RPS6KA6: variants seen among roughly 807,000 people sequenced by gnomAD.
RPS6KA6 encodes ribosomal protein S6 kinase alpha-6.
Under a neutral mutation model 65.4 loss-of-function variants are expected in RPS6KA6, and 27 were observed. The ratio of observed to expected loss-of-function variants is 0.41; its 90% CI spans 0.30 to 0.57. RPS6KA6 has a LOEUF of 0.57. Ranked by LOEUF, RPS6KA6 falls within the 20% of genes least tolerant of loss-of-function variation. The pLI is 0.24. For missense variants in RPS6KA6, 486 were observed against 555.6 expected, an observed-to-expected ratio of 0.87 and a Z score of 1.26; for synonymous variants, 190 against 184.2, an observed-to-expected ratio of 1.03 and a Z score of -0.26.
At chrX:84,085,886 C>T (rs1284284842) in intron 20 of RPS6KA6, among the ~76,000 whole-genome samples, 1 of 111,309 alleles carries the variant, frequency 9.0e-6, no homozygotes, top group Non-Finnish European at 1.9e-5. Context: ...TCAATTTCTT[C>T]CTGGTTGTCA....
At chrX:84,180,900 C>T (rs1219638614) in intron 1 of RPS6KA6, among the ~76,000 whole-genome samples, 2 of 111,763 alleles carry the variant, frequency 1.8e-5, no homozygotes, top group Non-Finnish European at 3.8e-5. Context: ...TTCCTACTAA[C>T]TTGCATGTAT....
intron 3 of RPS6KA6, among the ~76,000 whole-genome samples, chrX:84,150,130 T>G (rs945330306): frequency 2.7e-5 from 3 of 111,863 alleles, no homozygotes; most frequent in East Asian, 2.8e-4. Context: ...ACTTTTCTTG[T>G]GCAGCTTCCT....
intron 12 of RPS6KA6, among the ~76,000 whole-genome samples, chrX:84,114,330 A>T (rs2034524978): frequency 9.1e-6 from 1 of 110,057 alleles, no homozygotes; most frequent in East Asian, 2.9e-4. Flanking sequence ...TTTACCAAAA[A>T]AATTTAAATT....
intron 1 of RPS6KA6, among the ~76,000 whole-genome samples, chrX:84,169,299 A>G (rs2035643661): frequency 9.0e-6 from 1 of 111,692 alleles, no homozygotes; most frequent in African/African-American, 3.3e-5. Flanking sequence ...TATGCGGGAC[A>G]AACAGAAATC....
intron 20 of RPS6KA6, among the ~76,000 whole-genome samples, chrX:84,066,673 G>A (rs2033411872): frequency 9.0e-6 from 1 of 111,516 alleles, no homozygotes; most frequent in Admixed American, 9.5e-5. Flanking sequence ...AGGGGCAACT[G>A]TGGGCGCAGC....
At position 84,097,799 on chromosome X, in the gene RPS6KA6, C is replaced by A. The variant is rs772856945; in HGVS notation, c.1826G>T (p.Gly609Val). The change falls in exon 19 of 22, where the codon GGA (glycine) becomes GTA (valine). Residue 609 changes from glycine (G) to valine (V), a missense_variant. By Grantham distance (109) the Gly-to-Val change is moderately radical. Coordinates refer to ENST00000262752, the MANE Select transcript of RPS6KA6 (RefSeq NM_014496.5). ...YDAACDIWSLGVLFYTMLAGY... is the reference protein window; with the variant it reads ...YDAACDIWSLVVLFYTMLAGY... ...AGCCAACATTGTGTAAAAAAGGACT[C>A]CTAAACTCCAGATATCACAAGCAGC... 8.3e-7 allele frequency: 1 copy of A among 1,198,011 alleles called. No individual in the cohort carries two copies.
chrX:84,175,395 T>G (rs1438698678), intron 1 of RPS6KA6, among the ~76,000 whole-genome samples: 1 of 111,752 alleles, frequency 8.9e-6, no homozygotes, highest in Non-Finnish European at 1.9e-5. Flanking sequence ...TTAAATTATC[T>G]CCACTAACAA....
intron 20 of RPS6KA6, among the ~76,000 whole-genome samples, chrX:84,093,796 G>T (rs780426410): frequency 9.0e-6 from 1 of 111,528 alleles, no homozygotes; most frequent in African/African-American, 3.3e-5. Context: ...TGTACATCTT[G>T]CTAGTGAATT....
At chrX:84,111,599 A>G (rs1346269595) in intron 12 of RPS6KA6, among the ~76,000 whole-genome samples, 3 of 111,901 alleles carry the variant, frequency 2.7e-5, no homozygotes, top group Non-Finnish European at 5.6e-5. Flanking sequence ...GCTTCATAAA[A>G]TGAAGAAGAC....
chrX:84,151,913 G>C (rs1481560069), intron 3 of RPS6KA6, among the ~76,000 whole-genome samples: 1 of 111,449 alleles, frequency 9.0e-6, no homozygotes, highest in Non-Finnish European at 1.9e-5. Context: ...GTTTTGACTT[G>C]AGGACTCCCT....
intron 20 of RPS6KA6, among the ~76,000 whole-genome samples, chrX:84,095,253 CAT>C (rs2034128298): frequency 8.9e-6 from 1 of 112,055 alleles, no homozygotes; most frequent in African/African-American, 3.2e-5. Flanking sequence ...ATAATTAGCA[CAT>C]GTTAACTATA....
intron 8 of RPS6KA6, among the ~76,000 whole-genome samples, chrX:84,127,284 C>A (rs890176316): frequency 9.0e-6 from 1 of 110,918 alleles, no homozygotes; most frequent in African/African-American, 3.3e-5. Context: ...AATCCAAAAC[C>A]TGAAGAGGCC....
At chrX:84,081,869 G>A (rs1166188016) in intron 20 of RPS6KA6, among the ~76,000 whole-genome samples, 1 of 111,725 alleles carries the variant, frequency 9.0e-6, no homozygotes, top group Non-Finnish European at 1.9e-5. Context: ...AACAGATCCA[G>A]AAAAGGCCTT....
rs766366210 is a variant in RPS6KA6, at chrX:84,080,631, T to C, written c.1972-15520A>G. Among the ~76,000 whole-genome samples, 5 of 104,898 alleles carry C rather than the reference T, an allele frequency of 4.8e-5. No individual in the cohort carries two copies. In the East Asian group the frequency reaches 1.3e-3, roughly 27 times the overall value. 91.1% of individuals were successfully genotyped at this position (104,898 alleles called of 115,157 possible). On this transcript the variant is annotated intron_variant, in intron 20 of 21. Transcript: ENST00000262752. The stretch of plus-strand genomic sequence containing the variant: ...TCAGCTCTGGACCAAGCGGACCTAA[T>C]AGATATCTACAGAACTCTCCACCCC...
chrX:84,096,756 C>T (rs1361200531), intron 19 of RPS6KA6, among the ~76,000 whole-genome samples: 2 of 110,983 alleles, frequency 1.8e-5, no homozygotes, highest in East Asian at 2.8e-4. Context: ...TCAGTGGAAA[C>T]GGTTATCATT....
chrX:84,187,631 C>T (rs2035944085), intron 1 of RPS6KA6, among the ~76,000 whole-genome samples, 188 bp downstream of exon 1: 1 of 112,270 alleles, frequency 8.9e-6, no homozygotes, highest in Non-Finnish European at 1.9e-5. Flanking sequence ...GCACTCACTC[C>T]GCAAGCCCGA....
chrX:84,064,842 T>A, intron 21 of RPS6KA6, 129 bp downstream of exon 21: 2 of 502,437 alleles, frequency 4.0e-6, no homozygotes, highest in Non-Finnish European at 6.3e-6. Flanking sequence ...GGTTGTTAAT[T>A]TAAAAAAATC....
intron 1 of RPS6KA6, among the ~76,000 whole-genome samples, chrX:84,173,466 A>G: frequency 8.9e-6 from 1 of 112,122 alleles, no homozygotes; most frequent in East Asian, 2.8e-4. Flanking sequence ...CATGTGCTCA[A>G]CAAATGCATG....
chrX:84,146,958 A>T lies in RPS6KA6; in HGVS notation c.421+20T>A. 1 of 921,078 alleles carries T rather than the reference A, an allele frequency of 1.1e-6. No individual in the cohort carries two copies. The highest frequency in any genetic ancestry group is 1.5e-6 in the Non-Finnish European group (1 of 656,457). 75.9% of individuals were successfully genotyped at this position (921,078 alleles called of 1,213,427 possible). A position where few individuals can be genotyped will look rare whatever the true frequency, so the allele number is the denominator to read the frequency against. ...AAATAAGGATTAAAATAAATAAAAG[A>T]ATAAAAAAAGATTACATACCATAGT... On this transcript the variant is annotated intron_variant, in intron 5 of 21. Coordinates refer to ENST00000262752, the MANE Select transcript of RPS6KA6 (RefSeq NM_014496.5).
Sources: allele counts gnomAD v4.1 joint callset (sites outside exome capture counted in the v4.1 genomes callset), GRCh38; gene constraint gnomAD v4.1.1; transcripts MANE v1.5; gene names NCBI Gene and HGNC (gene_info 2026-07-23, HGNC 2026-07-21).